Variants in SREBF2 observed in about 807,000 individuals in gnomAD.
SREBF2 encodes sterol regulatory element binding transcription factor 2, also known as sterol regulatory element-binding protein 2.
In SREBF2, 55 loss-of-function variants were observed where a neutral mutation model predicts 113.1. The observed-to-expected ratio is 0.49, with a 90% CI of 0.39 to 0.61. The LOEUF (loss-of-function observed/expected upper bound fraction) is 0.61. SREBF2 is among the 20% of genes least tolerant of loss of function. The pLI, the probability that SREBF2 is intolerant of heterozygous loss-of-function variation, is 0.00. For missense variants in SREBF2, 1,349 were observed against 1,487.4 expected (o/e 0.91, Z 1.53); for synonymous variants, 593 against 605.7 (o/e 0.98, Z 0.31).
Position 41,875,452 on chromosome 22 carries a change from G to GT in SREBF2, c.1204+2dup. On this transcript the variant is annotated splice_donor_variant, in intron 6 of 18. Transcript: ENST00000361204. LOFTEE classifies it high-confidence loss of function. ...CTGAAGCTGGCAAATCAAAAGAACA[G>GT]TAAGTGTGCTGAGAAAAGGCTTGTC... is the stretch of plus-strand genomic sequence containing the variant. The GT allele has an allele frequency of 2.5e-6, 4 of 1,614,274 alleles. No individual in the cohort carries two copies. The highest frequency in any genetic ancestry group is 3.4e-6 in the Non-Finnish European group (4 of 1,180,050).
chr22:41,871,101 A>G (rs2148383324), intron 4 of SREBF2, 66 bp downstream of exon 4: 2 of 1,604,932 alleles, frequency 1.2e-6, no homozygotes, highest in Admixed American at 3.3e-5. Context: ...TAGTCTTCAG[A>G]GATGTTAAAT....
At chr22:41,896,933 A>G in intron 13 of SREBF2, 119 bp from the exon 14 acceptor site, 1 of 712,502 alleles carries the variant, frequency 1.4e-6, no homozygotes. Flanking sequence ...GCCTGGGATG[A>G]CAGGAAAGGG....
intron 2 of SREBF2, among the ~76,000 whole-genome samples, chr22:41,868,097 C>T (rs1019004052): frequency 7.9e-5 from 12 of 152,204 alleles, no homozygotes; most frequent in Admixed American, 7.9e-4. Context: ...TGCTGCATCC[C>T]AGTGCCTTTT....
At chr22:41,876,420 G>A (rs907380902) in intron 7 of SREBF2, among the ~76,000 whole-genome samples, 1 of 152,176 alleles carries the variant, frequency 6.6e-6, no homozygotes, top group African/African-American at 2.4e-5. Flanking sequence ...TCTTATAAAT[G>A]TGGTTCTGTT....
intron 5 of SREBF2, 68 bp from the exon 6 acceptor site, chr22:41,875,269 G>A (rs763919231): frequency 8.2e-6 from 11 of 1,345,002 alleles, no homozygotes; most frequent in African/African-American, 1.4e-5. Context: ...CCAAGTGCTA[G>A]GGCTCTGCTC....
intron 1 of SREBF2, among the ~76,000 whole-genome samples, chr22:41,860,616 C>G (rs927195599): frequency 6.6e-6 from 1 of 152,154 alleles, no homozygotes; most frequent in Non-Finnish European, 1.5e-5. Flanking sequence ...TGGTGGCACA[C>G]GCCTGTAATC....
intron 9 of SREBF2, among the ~76,000 whole-genome samples, chr22:41,879,945 G>C (rs937671491): frequency 6.6e-6 from 1 of 152,144 alleles, no homozygotes; most frequent in East Asian, 1.9e-4. Flanking sequence ...GCATGAAGCC[G>C]GGTGCTGTGG....
At chr22:41,837,813 G>A (rs1370157570) in intron 1 of SREBF2, among the ~76,000 whole-genome samples, 17 of 146,130 alleles carry the variant, frequency 1.2e-4, no homozygotes, top group Non-Finnish European at 2.1e-4. Flanking sequence ...AGCCGAGATC[G>A]CGCCATTGCA....
At chr22:41,859,544 T>C (rs918911990) in intron 1 of SREBF2, among the ~76,000 whole-genome samples, 2 of 152,146 alleles carry the variant, frequency 1.3e-5, no homozygotes, top group Non-Finnish European at 2.9e-5. Flanking sequence ...TGTTTCTGGA[T>C]GTATCTGATG....
At chr22:41,850,766 A>G (rs1379288229) in intron 1 of SREBF2, among the ~76,000 whole-genome samples, 1 of 151,346 alleles carries the variant, frequency 6.6e-6, no homozygotes, top group East Asian at 1.9e-4. Flanking sequence ...GTTTTTTTTG[A>G]GATAGCCTCT....
chr22:41,880,132 A>G (rs1175446641), intron 9 of SREBF2, among the ~76,000 whole-genome samples: 1 of 152,254 alleles, frequency 6.6e-6, no homozygotes, highest in Non-Finnish European at 1.5e-5. Flanking sequence ...GTAAGGTCCA[A>G]GTGCTTGCAT....
chr22:41,881,950 T>G (rs2148397949), intron 10 of SREBF2, among the ~76,000 whole-genome samples: 1 of 152,060 alleles, frequency 6.6e-6, no homozygotes, highest in East Asian at 1.9e-4. Context: ...TGCACACCTG[T>G]AATCCCAGCT....
At chr22:41,861,048 T>C (rs1039198398) in intron 1 of SREBF2, among the ~76,000 whole-genome samples, 2 of 152,238 alleles carry the variant, frequency 1.3e-5, no homozygotes, top group Non-Finnish European at 2.9e-5. Flanking sequence ...ATGTTCTTCA[T>C]ATTTATTAAC....
At chr22:41,866,695 G>T (rs1226381137) in intron 1 of SREBF2, 136 bp from the exon 2 acceptor site, 7 of 1,001,840 alleles carry the variant, frequency 7.0e-6, no homozygotes, top group Non-Finnish European at 1.1e-5. Context: ...CCACAAGAAA[G>T]AGGTAAGGGT....
intron 1 of SREBF2, among the ~76,000 whole-genome samples, chr22:41,835,372 G>A (rs8139585): frequency 0.046 from 6,605 of 142,484 alleles, 488 homozygotes; most frequent in African/African-American, 0.16. Context: ...GTGCAATGGC[G>A]CGATCTCGGC....
intron 17 of SREBF2, chr22:41,904,442 C>A (rs147205511): frequency 7.6e-6 from 3 of 397,022 alleles, no homozygotes; most frequent in Middle Eastern, 7.5e-4. Context: ...TCTAAAGATA[C>A]GGAAAGAGGA....
chr22:41,886,495 C>T (rs2077300133), intron 11 of SREBF2, among the ~76,000 whole-genome samples: 1 of 152,142 alleles, frequency 6.6e-6, no homozygotes, highest in Non-Finnish European at 1.5e-5. Context: ...TTCATTTTAT[C>T]AAAATACAAC....
In SREBF2 at chr22:41,898,504, G is replaced by T; in HGVS notation, c.2606-145G>T. The T allele has an allele frequency of 3.9e-6, 4 of 1,013,096 alleles. No individual in the cohort carries two copies. In the South Asian group the frequency reaches 5.5e-5, roughly 14 times the overall value. 62.8% of individuals were successfully genotyped at this position (1,013,096 alleles called of 1,614,324 possible). A position where few individuals can be genotyped will look rare whatever the true frequency, so the allele number is the denominator to read the frequency against. On this transcript the variant is annotated intron_variant, in intron 14 of 18. Coordinates refer to ENST00000361204, the MANE Select transcript of SREBF2 (RefSeq NM_004599.4). ...GTCTATTCCCCTCCCCCAGAATCCTGGGTGTGGGAGCCCAGAGGCTGCTGG... is the reference window on the plus strand; with the variant it reads ...GTCTATTCCCCTCCCCCAGAATCCTTGGTGTGGGAGCCCAGAGGCTGCTGG...
chr22:41,871,601 C>A (rs133290), intron 4 of SREBF2, among the ~76,000 whole-genome samples: 92,042 of 151,998 alleles, frequency 0.61, 29,567 homozygotes, highest in African/African-American at 0.81. Context: ...AATTAAAAAA[C>A]AGAACTGCTG....
Sources: gnomAD v4.1 joint callset for allele counts (sites outside exome capture counted in the v4.1 genomes callset) on GRCh38, gnomAD v4.1.1 for gene constraint, MANE v1.5 for transcripts, NCBI Gene and HGNC (gene_info 2026-07-23, HGNC 2026-07-21) for gene names.